The following CPM variants were observed in gnomAD, a reference collection of about 807,000 sequenced individuals.
CPM encodes renal carboxypeptidase.
In CPM, 35 loss-of-function variants were observed where a neutral mutation model predicts 46.4. The observed-to-expected ratio is 0.75, with a 90% CI of 0.58 to 1.00. The LOEUF (loss-of-function observed/expected upper bound fraction) is 1.00, where lower values mean the gene tolerates loss of function less well. CPM is among the 50% of genes least tolerant of loss of function. The pLI is 0.00. For synonymous variants in CPM, 195 were observed against 195.3 expected (o/e 1.00, Z 0.01); for missense variants, 422 against 530.4 (o/e 0.80, Z 2.01).
At chr12:68,928,946 A>G (rs1888388802) in intron 2 of CPM, among the ~76,000 whole-genome samples, 1 of 149,500 alleles carries the variant, frequency 6.7e-6, no homozygotes, top group South Asian at 2.1e-4. Flanking sequence ...GGAGTCTCCC[A>G]TGTTGCCTAG....
Position 68,858,949 on chromosome 12 carries a change from G to T in CPM, c.1063C>A (p.Leu355Ile). 2.0e-6 allele frequency: 3 copies of T among 1,511,524 alleles called. No individual in the cohort carries two copies. The highest frequency in any genetic ancestry group is 1.8e-4 in the Middle Eastern group (1 of 5,410). 93.6% of individuals were successfully genotyped at this position (1,511,524 alleles called of 1,614,324 possible). Residue 355 changes from leucine (L) to isoleucine (I), a missense_variant, in exon 8 of 9, where the codon CTC becomes ATC. Leu to Ile is a conservative substitution (Grantham distance 5). Coordinates refer to ENST00000551568, the MANE Select transcript of CPM (RefSeq NM_198320.5). ...TTTATTATATAAGACCCAGGCAAGAGAAGGAGATAATACTCTCCATATTTG... is the reference window on the plus strand; with the variant it reads ...TTTATTATATAAGACCCAGGCAAGATAAGGAGATAATACTCTCCATATTTG... ...TNKYGEYYLL[L>I]LPGSYIINVT... is the part of the protein sequence containing the mutation.
chr12:68,899,062 C>T (rs1011292919), intron 2 of CPM, among the ~76,000 whole-genome samples: 2 of 152,126 alleles, frequency 1.3e-5, no homozygotes, highest in Admixed American at 6.5e-5. Context: ...GATAGACTGC[C>T]AATTTGTTAT....
At chr12:68,926,906 T>A (rs1168252350) in intron 2 of CPM, among the ~76,000 whole-genome samples, 4 of 152,270 alleles carry the variant, frequency 2.6e-5, no homozygotes, top group African/African-American at 9.6e-5. Context: ...TCATTCTTTG[T>A]GGCTGCATAG....
chr12:68,944,341 C>T (rs543404769), intron 1 of CPM, among the ~76,000 whole-genome samples: 127 of 152,240 alleles, frequency 8.3e-4, no homozygotes, highest in African/African-American at 3.0e-3. Flanking sequence ...CACTCAGTTG[C>T]CATTTTGATG....
intron 2 of CPM, among the ~76,000 whole-genome samples, chr12:68,905,731 A>C (rs923567153): frequency 6.6e-6 from 1 of 152,182 alleles, no homozygotes; most frequent in African/African-American, 2.4e-5. Context: ...TAAGAGGCTT[A>C]AGAAAGAGGC....
intron 1 of CPM, among the ~76,000 whole-genome samples, chr12:68,961,863 G>A (rs922710059): frequency 6.6e-6 from 1 of 152,074 alleles, no homozygotes; most frequent in Non-Finnish European, 1.5e-5. Context: ...TATTTTTAAT[G>A]TTTAAAGTGT....
chr12:68,959,605 G>A (rs1889079262), intron 1 of CPM, among the ~76,000 whole-genome samples: 1 of 152,252 alleles, frequency 6.6e-6, no homozygotes, highest in South Asian at 2.1e-4. Context: ...GCATTGCCCA[G>A]TCAAGACAGA....
intron 2 of CPM, among the ~76,000 whole-genome samples, chr12:68,909,201 C>T (rs1887476884): frequency 6.6e-6 from 1 of 152,110 alleles, no homozygotes; most frequent in South Asian, 2.1e-4. Flanking sequence ...CACCATCATG[C>T]CTGGCTAGTT....
intron 1 of CPM, among the ~76,000 whole-genome samples, chr12:68,961,994 G>A (rs747517442): frequency 2.4e-4 from 37 of 151,868 alleles, no homozygotes; most frequent in South Asian, 8.3e-4. Flanking sequence ...AGGTCAGCAG[G>A]TCGAGACCAT....
chr12:68,886,156 T>C (rs1886417437), intron 2 of CPM, among the ~76,000 whole-genome samples: 1 of 152,176 alleles, frequency 6.6e-6, no homozygotes, highest in Non-Finnish European at 1.5e-5. Context: ...TTAGGCGATG[T>C]AGATCTTACT....
chr12:68,883,906 C>A (rs1886313509), intron 3 of CPM, among the ~76,000 whole-genome samples: 2 of 146,826 alleles, frequency 1.4e-5, no homozygotes, highest in Admixed American at 6.9e-5. Flanking sequence ...ACCAGCTTGG[C>A]CAAAATGGTG....
chr12:68,887,191 C>A lies in CPM; in HGVS notation c.161-1302G>T, dbSNP rs145011703. 3.2e-3 allele frequency among the ~76,000 whole-genome samples: 488 copies of A among 152,278 alleles called. 1 individual carries two copies. Among genetic ancestry groups the A allele is most frequent in the African/African-American group, 0.011 (471 of 41,526 alleles). On this transcript the variant is annotated intron_variant, in intron 2 of 8. Transcript: ENST00000551568. The stretch of plus-strand genomic sequence containing the variant: ...CCCTTTCAATTTTAAAATTGTCTGG[C>A]ACTTTTAATACAGTTTACCTTAGAG...
intron 1 of CPM, among the ~76,000 whole-genome samples, chr12:68,939,212 TATG>T (rs1453167838): frequency 2.0e-5 from 3 of 146,680 alleles, no homozygotes; most frequent in African/African-American, 7.4e-5. Context: ...CCATAATGTA[TATG>T]ATGTCTATAC....
At chr12:68,904,003 T>C (rs1887231902) in intron 2 of CPM, among the ~76,000 whole-genome samples, 4 of 152,044 alleles carry the variant, frequency 2.6e-5, no homozygotes, top group African/African-American at 9.7e-5. Context: ...CCTCCCGCCT[T>C]GCCCTCCCAT....
At chr12:68,868,157 T>C (rs1417511651) in intron 6 of CPM, among the ~76,000 whole-genome samples, 1 of 152,200 alleles carries the variant, frequency 6.6e-6, no homozygotes, top group East Asian at 1.9e-4. Context: ...GCTCTGCCAC[T>C]GGACAGGATG....
At chr12:68,874,094 C>G (rs925654995) in intron 3 of CPM, among the ~76,000 whole-genome samples, 1 of 152,082 alleles carries the variant, frequency 6.6e-6, no homozygotes, top group South Asian at 2.1e-4. Context: ...TGTGAGCCAC[C>G]GCGCCCGGCC....
chr12:68,861,539 T>TG (rs1885213185), intron 7 of CPM, among the ~76,000 whole-genome samples: 1 of 140,688 alleles, frequency 7.1e-6, no homozygotes, highest in Non-Finnish European at 1.6e-5. Flanking sequence ...CACAATTTTT[T>TG]GTTTTTTTTT....
At chr12:68,872,252 CTT>C (rs10659287) in intron 3 of CPM, among the ~76,000 whole-genome samples, 6 of 117,248 alleles carry the variant, frequency 5.1e-5, no homozygotes, top group Non-Finnish European at 1.6e-5. Flanking sequence ...CTGCTGCTTC[CTT>C]TTTTTTTTTT....
chr12:68,924,230 C>T (rs1366583365), intron 2 of CPM, among the ~76,000 whole-genome samples: 1 of 151,100 alleles, frequency 6.6e-6, no homozygotes, highest in Non-Finnish European at 1.5e-5. Flanking sequence ...GGCGCAGTGG[C>T]TCACGCCTGT....
Sources: allele counts gnomAD v4.1 joint callset (sites outside exome capture counted in the v4.1 genomes callset), GRCh38; gene constraint gnomAD v4.1.1; transcripts MANE v1.5; gene names NCBI Gene and HGNC (gene_info 2026-07-23, HGNC 2026-07-21).